The following MATK variants were observed in gnomAD, a reference collection of about 807,000 sequenced individuals.
The protein encoded by MATK is megakaryocyte-associated tyrosine-protein kinase.
Under a neutral mutation model 59.8 loss-of-function variants are expected in MATK, and 41 were observed. That is an observed-to-expected ratio of 0.69 (90% CI 0.53 to 0.89). MATK has a LOEUF of 0.89. Among genes scored for constraint, MATK ranks in the 40% least tolerant of loss-of-function variants. The probability of loss-of-function intolerance (pLI) is 0.00; values close to 1 mark genes in which losing one functional copy is unlikely to be tolerated. For missense variants in MATK, 593 were observed against 719.6 expected, an observed-to-expected ratio of 0.82 and a Z score of 2.01; for synonymous variants, 308 against 306.1, an observed-to-expected ratio of 1.01 and a Z score of -0.06.
chr19:3,784,047 A>G lies in MATK; in HGVS notation c.363-14T>C, dbSNP rs1452200526. 1 of 1,600,558 alleles carries G rather than the reference A, an allele frequency of 6.2e-7. No individual in the cohort carries two copies. The highest frequency in any genetic ancestry group is 8.5e-7 in the Non-Finnish European group (1 of 1,172,154). On this transcript the variant is annotated splice_polypyrimidine_tract_variant and intron_variant, in intron 5 of 13. Coordinates refer to ENST00000310132, the MANE Select transcript of MATK (RefSeq NM_139355.3). ...CCGTGGAACCACCTGCGGCCACGGA[A>G]GGGGTGGGTCAGACTGGGCTGTGGA...
chr19:3,798,200 A>T (rs1047613248), intron 1 of MATK, among the ~76,000 whole-genome samples: 1 of 152,206 alleles, frequency 6.6e-6, no homozygotes, highest in Non-Finnish European at 1.5e-5. Context: ...CAGGAACATA[A>T]GGATTTTTCT....
chr19:3,784,442 C>A lies in MATK; in HGVS notation c.142G>T (p.Ala48Ser). Residue 48 changes from alanine (A) to serine (S), a missense_variant, in exon 4 of 14, where the codon GCC becomes TCC. Transcript: ENST00000310132. ...TTGGTGATACACTGGGTGCCCGGGG[C>A]CCAGCGCCTCTGCAGAGGGGGCCGG... ...VSARMPTRRW[A>S]PGTQCITKCE... 1 of 1,594,676 alleles carries A rather than the reference C, an allele frequency of 6.3e-7. No individual in the cohort carries two copies. Among genetic ancestry groups the A allele is most frequent in the South Asian group, 1.1e-5 (1 of 89,466 alleles).
Position 3,784,141 on chromosome 19 carries a change from G to A in MATK, c.345C>T (p.Pro115=). 1 of 1,611,700 alleles carries A rather than the reference G, an allele frequency of 6.2e-7. No homozygotes were observed. Among genetic ancestry groups the A allele is most frequent in the Non-Finnish European group, 8.5e-7 (1 of 1,178,734 alleles). Reference sequence around the variant, plus strand: ...CCACTCACGGCATGAGGCTGAGCTTGGGGTCTGCGGAGAGGGCCTCCCGCT... The same window carrying A: ...CCACTCACGGCATGAGGCTGAGCTTAGGGTCTGCGGAGAGGGCCTCCCGCT... ...LREREALSAD[P]KLSLMPWFHG... is the part of the protein sequence containing the mutation. The change falls in exon 5 of 14, where the codon CCC becomes CCT. Residue 115 remains proline, a synonymous_variant. Coordinates refer to ENST00000310132, the MANE Select transcript of MATK (RefSeq NM_139355.3).
intron 1 of MATK, among the ~76,000 whole-genome samples, chr19:3,795,244 T>A (rs560722108): frequency 6.6e-6 from 1 of 150,386 alleles, no homozygotes; most frequent in Admixed American, 6.6e-5. Context: ...CCCAAAGTGC[T>A]AGGATTATGG....
At chr19:3,782,093 C>T (rs1213024258) in intron 7 of MATK, among the ~76,000 whole-genome samples, 1 of 152,096 alleles carries the variant, frequency 6.6e-6, no homozygotes, top group African/African-American at 2.4e-5. Context: ...CCTCCAAATA[C>T]CCTCTGGGCT....
chr19:3,786,590 GGC>G (rs2037489161), upstream of MATK, among the ~76,000 whole-genome samples: 1 of 149,728 alleles, frequency 6.7e-6, no homozygotes, highest in Non-Finnish European at 1.5e-5. This position sits in a 1 kb window ranked among gnomAD's most constrained non-coding sequence, Gnocchi z 4.1. Context: ...CAGTGCGCGC[GGC>G]GGGGACCGGG....
Position 3,779,229 on chromosome 19 carries a change from G to A in MATK, c.1002-42C>T, listed in dbSNP as rs755006770. The A allele has an allele frequency of 3.9e-6, 6 of 1,549,400 alleles. 1 individual carries two copies. Among genetic ancestry groups the A allele is most frequent in the South Asian group, 3.5e-5 (3 of 85,278 alleles). ...GCAGTGGGGGCTCAGGTGCCAGGAT[G>A]CCCACATTCAGGGCTCAGAAAGCTC... On this transcript the variant is annotated intron_variant, in intron 11 of 13. Coordinates refer to ENST00000310132, the MANE Select transcript of MATK (RefSeq NM_139355.3).
intron 9 of MATK, 38 bp downstream of exon 9, chr19:3,779,660 C>T (rs1568404888): frequency 3.7e-6 from 6 of 1,610,358 alleles, no homozygotes; most frequent in Non-Finnish European, 5.1e-6. Flanking sequence ...CTGGGACCCC[C>T]CCCGTCCCAC....
At chr19:3,783,594 G>C (rs965238529) in intron 6 of MATK, among the ~76,000 whole-genome samples, 1 of 152,040 alleles carries the variant, frequency 6.6e-6, no homozygotes, top group Admixed American at 6.5e-5. Context: ...GGGGTGCCTG[G>C]GGGGCCCTGG....
chr19:3,792,396 A>ATCGTTT (rs1192495494), intron 1 of MATK, among the ~76,000 whole-genome samples: 6 of 152,108 alleles, frequency 3.9e-5, no homozygotes, highest in Non-Finnish European at 7.3e-5. Context: ...TTCAAACGCT[A>ATCGTTT]GAGGCTTGAA....
chr19:3,784,055 G>C (rs755725638), intron 5 of MATK, 22 bp from the exon 6 acceptor site: 1 of 1,597,586 alleles, frequency 6.3e-7, no homozygotes, highest in Non-Finnish European at 8.5e-7. Flanking sequence ...GAAGGGGTGG[G>C]TCAGACTGGG....
At chr19:3,780,409 T>C (rs1813168745) in intron 8 of MATK, among the ~76,000 whole-genome samples, 1 of 151,888 alleles carries the variant, frequency 6.6e-6, no homozygotes. Context: ...CAAAATGTTT[T>C]TTGCATTTTT....
chr19:3,798,385 T>A (rs1013338805), intron 1 of MATK, among the ~76,000 whole-genome samples: 70 of 151,798 alleles, frequency 4.6e-4, no homozygotes, highest in Non-Finnish European at 8.2e-4. Flanking sequence ...GGGGTGGGGG[T>A]CACTGGGCAG....
chr19:3,785,314 G>A, intron 1 of MATK, 28 bp from the exon 2 acceptor site: 4 of 1,380,796 alleles, frequency 2.9e-6, no homozygotes, highest in African/African-American at 1.4e-5. Context: ...GCAGGGTGGG[G>A]AAATAGGGAT....
intron 7 of MATK, among the ~76,000 whole-genome samples, chr19:3,782,047 G>T (rs1197101047): frequency 6.6e-6 from 1 of 152,166 alleles, no homozygotes; most frequent in East Asian, 1.9e-4. Context: ...AGTTCTCAGA[G>T]ATAAGAGCTG....
upstream of MATK, chr19:3,786,453 CGCGCG>C: frequency 1.0e-6 from 1 of 965,508 alleles, no homozygotes. This position sits in a 1 kb window ranked among gnomAD's most constrained non-coding sequence, Gnocchi z 4.1. Context: ...CGGCGCCTCC[CGCGCG>C]CCCCGGGCGG....
At chr19:3,784,613 G>A (rs1353222625) in intron 3 of MATK, 162 bp from the exon 4 acceptor site, 4 of 652,450 alleles carry the variant, frequency 6.1e-6, no homozygotes, top group Non-Finnish European at 1.1e-5. Context: ...AAGAAAGGGG[G>A]AGTGGGGTGC....
chr19:3,783,766 T>C (rs2037434646), intron 6 of MATK, 48 bp downstream of exon 6: 2 of 1,568,244 alleles, frequency 1.3e-6, no homozygotes, highest in East Asian at 2.3e-5. Flanking sequence ...CCGGAGTCCC[T>C]GGGCTGCCCC....
At chr19:3,798,677 A>ATT (rs36103363) in intron 1 of MATK, among the ~76,000 whole-genome samples, 1 of 144,498 alleles carries the variant, frequency 6.9e-6, no homozygotes, top group Non-Finnish European at 1.5e-5. Flanking sequence ...AGCCTGGCTA[A>ATT]TTTTTTTTTT....
Sources: gnomAD v4.1 joint callset for allele counts (sites outside exome capture counted in the v4.1 genomes callset) on GRCh38, gnomAD v4.1.1 for gene constraint, Gnocchi (gnomAD v3.1) non-coding constraint, MANE v1.5 for transcripts, NCBI Gene and HGNC (gene_info 2026-07-23, HGNC 2026-07-21) for gene names.